DDX10: variants seen among roughly 807,000 people sequenced by gnomAD.
DDX10 encodes DEAD-box helicase 10, also known as probable ATP-dependent RNA helicase DDX10.
A neutral mutation model predicts 104.3 loss-of-function variants in DDX10; 74 were observed. The ratio of observed to expected loss-of-function variants is 0.71; its 90% CI spans 0.59 to 0.86. The LOEUF is 0.86. DDX10 is among the 40% of genes least tolerant of loss of function. The probability of loss-of-function intolerance (pLI) is 0.00; values close to 1 mark genes in which losing one functional copy is unlikely to be tolerated. For synonymous variants in DDX10, 351 were observed against 353.4 expected, an observed-to-expected ratio of 0.99 and a Z score of 0.08; for missense variants, 952 against 1,040.0, an observed-to-expected ratio of 0.92 and a Z score of 1.16.
chr11:108,682,918 A>T (rs1045956429), intron 6 of DDX10, among the ~76,000 whole-genome samples: 2 of 151,846 alleles, frequency 1.3e-5, no homozygotes, highest in Non-Finnish European at 2.9e-5. Context: ...TTGTACTCTA[A>T]GTTCCATTAT....
At chr11:108,871,852 G>A (rs980157434) in intron 16 of DDX10, among the ~76,000 whole-genome samples, 5 of 151,994 alleles carry the variant, frequency 3.3e-5, no homozygotes, top group Middle Eastern at 3.4e-3. Context: ...CGCTTGAACC[G>A]TGGAGGTGGA....
intron 13 of DDX10, among the ~76,000 whole-genome samples, chr11:108,806,994 A>T (rs1193310455): frequency 1.3e-5 from 2 of 152,186 alleles, no homozygotes; most frequent in African/African-American, 4.8e-5. Flanking sequence ...CAGGTTAAAG[A>T]TGTGATCTTG....
At chr11:108,820,827 A>G (rs982993844) in intron 13 of DDX10, among the ~76,000 whole-genome samples, 1 of 152,230 alleles carries the variant, frequency 6.6e-6, no homozygotes, top group East Asian at 1.9e-4. Context: ...TTTATTGCCT[A>G]GGGCCTGTGA....
At chr11:108,818,154 A>T (rs1200512423) in intron 13 of DDX10, among the ~76,000 whole-genome samples, 1 of 152,150 alleles carries the variant, frequency 6.6e-6, no homozygotes, top group African/African-American at 2.4e-5. Context: ...TCACCAGTGG[A>T]CATGCATGCT....
chr11:108,696,401 T>G (rs1325715661), intron 9 of DDX10, among the ~76,000 whole-genome samples: 2 of 152,170 alleles, frequency 1.3e-5, no homozygotes, highest in African/African-American at 4.8e-5. Context: ...GGTTTTGAAC[T>G]CCTGACCTCA....
intron 13 of DDX10, among the ~76,000 whole-genome samples, chr11:108,816,131 G>C (rs776003977): frequency 1.3e-5 from 2 of 151,650 alleles, no homozygotes; most frequent in Non-Finnish European, 2.9e-5. Context: ...TTCACTGGTT[G>C]TTCTTTCTTG....
chr11:108,737,092 C>G (rs978144547), intron 13 of DDX10, among the ~76,000 whole-genome samples: 1 of 152,048 alleles, frequency 6.6e-6, no homozygotes, highest in African/African-American at 2.4e-5. Context: ...GCATGGAGTC[C>G]ATTTCTTCAA....
intron 13 of DDX10, among the ~76,000 whole-genome samples, chr11:108,725,036 G>A (rs1591801969): frequency 1.3e-5 from 2 of 152,096 alleles, no homozygotes; most frequent in East Asian, 3.9e-4. Flanking sequence ...CCACTGATCT[G>A]ATTTCTACCC....
rs989600135 is a variant in DDX10, at chr11:108,820,564, A to G, written c.1966-17882A>G. 5.3e-5 allele frequency among the ~76,000 whole-genome samples: 8 copies of G among 152,222 alleles called. 1 individual carries two copies. Among genetic ancestry groups the G allele is most frequent in the South Asian group, 2.1e-4 (1 of 4,830 alleles). ...TCAGTGTGTAATCATACAAACTACT[A>G]GGGAACCAGACATTATAGTTGTGGA... On this transcript the variant is annotated intron_variant, in intron 13 of 17. Coordinates refer to ENST00000322536, the MANE Select transcript of DDX10 (RefSeq NM_004398.4).
intron 13 of DDX10, among the ~76,000 whole-genome samples, chr11:108,805,393 A>C (rs888562017): frequency 2.0e-5 from 3 of 152,252 alleles, no homozygotes; most frequent in Non-Finnish European, 4.4e-5. Flanking sequence ...CTTTTGTTTA[A>C]AGTAGCAAGT....
chr11:108,690,104 C>T (rs1222122504), intron 7 of DDX10, among the ~76,000 whole-genome samples: 2 of 151,978 alleles, frequency 1.3e-5, no homozygotes, highest in South Asian at 2.1e-4. Context: ...ATTTTCAAAG[C>T]TTCCAGTCTC....
chr11:108,813,919 G>C (rs958957649), intron 13 of DDX10, among the ~76,000 whole-genome samples: 1 of 152,036 alleles, frequency 6.6e-6, no homozygotes, highest in East Asian at 1.9e-4. Context: ...GTATATGTTT[G>C]TTTATAATGT....
intron 16 of DDX10, among the ~76,000 whole-genome samples, chr11:108,900,550 A>T (rs1863504375): frequency 6.6e-6 from 1 of 152,186 alleles, no homozygotes; most frequent in African/African-American, 2.4e-5. Flanking sequence ...TTTTCTCATT[A>T]GGCTTTAGAG....
In DDX10 at chr11:108,665,076, T is replaced by C. The variant is rs751278727; in HGVS notation, c.-78T>C. The C allele has an allele frequency of 2.1e-6, 3 of 1,455,148 alleles. No homozygotes were observed. Among genetic ancestry groups the C allele is most frequent in the Non-Finnish European group, 2.7e-6 (3 of 1,105,828 alleles). The allele number at this position is 1,455,148 out of a possible 1,614,324, so 90.1% of individuals were successfully genotyped here. ...TCGCGCATGCGCCTCTGTGCGTTTG[T>C]CCCATGCTGGTTCCGTGAGTCTGGC... On this transcript the variant is annotated 5_prime_UTR_variant, in exon 1 of 18. Coordinates refer to ENST00000322536, the MANE Select transcript of DDX10 (RefSeq NM_004398.4).
chr11:108,788,063 G>A (rs2615723), intron 13 of DDX10, among the ~76,000 whole-genome samples: 99,875 of 152,116 alleles, frequency 0.66, 34,656 homozygotes, highest in Admixed American at 0.75. Flanking sequence ...TCCTTGGATT[G>A]GGTTTCAACT....
intron 13 of DDX10, among the ~76,000 whole-genome samples, chr11:108,747,825 C>T (rs1057246078): frequency 3.3e-5 from 5 of 151,908 alleles, no homozygotes; most frequent in African/African-American, 4.8e-5. Context: ...ACATTATGAC[C>T]CTAAAGTTAC....
At chr11:108,814,539 T>C (rs941535976) in intron 13 of DDX10, among the ~76,000 whole-genome samples, 1 of 152,134 alleles carries the variant, frequency 6.6e-6, no homozygotes, top group Non-Finnish European at 1.5e-5. Context: ...TAGATTACCA[T>C]AGGAGACTGA....
At chr11:108,810,704 C>T (rs1220078944) in intron 13 of DDX10, among the ~76,000 whole-genome samples, 1 of 152,158 alleles carries the variant, frequency 6.6e-6, no homozygotes, top group Non-Finnish European at 1.5e-5. Context: ...GTGATAAGTG[C>T]ATGTGTGCAC....
intron 16 of DDX10, among the ~76,000 whole-genome samples, chr11:108,903,051 T>C (rs1210984502): frequency 1.3e-5 from 2 of 152,116 alleles, no homozygotes; most frequent in East Asian, 3.8e-4. Context: ...ACCAAGAGAA[T>C]TGAATACATG....
Sources: gnomAD v4.1 joint callset for allele counts (sites outside exome capture counted in the v4.1 genomes callset) on GRCh38, gnomAD v4.1.1 for gene constraint, MANE v1.5 for transcripts, NCBI Gene and HGNC (gene_info 2026-07-23, HGNC 2026-07-21) for gene names.